Variants in SLC28A1 observed in about 807,000 individuals in gnomAD.
SLC28A1 encodes solute carrier family 28 member 1, also known as sodium/nucleoside cotransporter 1.
SLC28A1 carries 64 observed loss-of-function variants against 74.8 expected under a neutral mutation model. That is an observed-to-expected ratio of 0.86 (90% CI 0.70 to 1.05). The LOEUF (loss-of-function observed/expected upper bound fraction) is 1.05. SLC28A1 is among the 50% of genes least tolerant of loss of function. The pLI, the probability that SLC28A1 is intolerant of heterozygous loss-of-function variation, is 0.00. For synonymous variants in SLC28A1, 359 were observed against 335.0 expected (o/e 1.07, Z -0.78); for missense variants, 828 against 822.8 (o/e 1.01, Z -0.08).
intron 8 of SLC28A1, among the ~76,000 whole-genome samples, chr15:84,906,504 G>GTTTC (rs1567139474): frequency 1.1e-3 from 12 of 10,624 alleles, no homozygotes; most frequent in South Asian, 5.0e-3. Context: ...AACATGGTTT[G>GTTTC]TTTGTTTGTT....
chr15:84,966,999 T>C, the SLC28A1 span, among the ~76,000 whole-genome samples: 2 of 152,224 alleles, frequency 1.3e-5, no homozygotes, highest in Non-Finnish European at 2.9e-5. Context: ...CAGGTTGGTC[T>C]TGAACTGCTA....
At chr15:84,938,922 G>A (rs1972307868) in intron 15 of SLC28A1, among the ~76,000 whole-genome samples, 1 of 152,226 alleles carries the variant, frequency 6.6e-6, no homozygotes, top group South Asian at 2.1e-4. Context: ...AAAGCACTTG[G>A]TGTGCTTAGA....
chr15:84,965,904 G>GT, the SLC28A1 span, among the ~76,000 whole-genome samples: 1 of 121,504 alleles, frequency 8.2e-6, no homozygotes, highest in African/African-American at 3.0e-5. Flanking sequence ...GAGGCGGGGA[G>GT]GGGGGGGAAA....
chr15:84,929,745 C>G (rs1232029876), intron 12 of SLC28A1, among the ~76,000 whole-genome samples: 1 of 152,062 alleles, frequency 6.6e-6, no homozygotes, highest in Admixed American at 6.6e-5. Context: ...ATCTATAGTC[C>G]CAGGTACTGG....
At chr15:84,970,022 G>A in the SLC28A1 span, among the ~76,000 whole-genome samples, 1 of 152,208 alleles carries the variant, frequency 6.6e-6, no homozygotes, top group Non-Finnish European at 1.5e-5. Flanking sequence ...AAACAACAAA[G>A]ATGTATTACA....
chr15:84,957,212 G>A, the SLC28A1 span, among the ~76,000 whole-genome samples: 20 of 151,926 alleles, frequency 1.3e-4, no homozygotes, highest in Admixed American at 1.1e-3. Flanking sequence ...GTCATCACCC[G>A]AGAAGTCATT....
the SLC28A1 span, among the ~76,000 whole-genome samples, chr15:84,955,252 G>A: frequency 6.6e-6 from 1 of 152,154 alleles, no homozygotes; most frequent in African/African-American, 2.4e-5. Flanking sequence ...CCCCTTTGGT[G>A]CCCATCTAAA....
chr15:84,950,349 C>T (rs1264708932), downstream of SLC28A1, among the ~76,000 whole-genome samples: 1 of 126,634 alleles, frequency 7.9e-6, no homozygotes, highest in Non-Finnish European at 1.6e-5. Flanking sequence ...GTCCTCCAGT[C>T]GCCAGTCTCC....
At chr15:84,953,306 C>T in the SLC28A1 span, among the ~76,000 whole-genome samples, 5 of 152,194 alleles carry the variant, frequency 3.3e-5, no homozygotes, top group Admixed American at 6.5e-5. Flanking sequence ...TGAAAAGTTC[C>T]GTAACTCGGT....
the SLC28A1 span, among the ~76,000 whole-genome samples, chr15:84,971,470 A>G: frequency 0.79 from 119,314 of 151,884 alleles, 47,260 homozygotes; most frequent in South Asian, 0.87. Flanking sequence ...AGCCTGGTCC[A>G]TCCCCATCTC....
chr15:84,909,419 A>G (rs981093306), intron 9 of SLC28A1, among the ~76,000 whole-genome samples: 1 of 152,212 alleles, frequency 6.6e-6, no homozygotes, highest in Non-Finnish European at 1.5e-5. Flanking sequence ...ATTATAGGGG[A>G]AATGGAGATA....
chr15:84,957,507 T>TCCA, the SLC28A1 span, among the ~76,000 whole-genome samples: 1 of 152,340 alleles, frequency 6.6e-6, no homozygotes, highest in African/African-American at 2.4e-5. Flanking sequence ...CCTCAAGTGA[T>TCCA]CCACCCATCT....
At chr15:84,938,660 T>C (rs1346423700) in intron 15 of SLC28A1, 6 of 151,674 alleles carry the variant, frequency 4.0e-5, no homozygotes, top group Admixed American at 3.9e-4. Flanking sequence ...GGAACCGACA[T>C]GTAGTGAGAG....
At chr15:84,938,613 A>G (rs1972247434) in intron 15 of SLC28A1, 1 of 152,138 alleles carries the variant, frequency 6.6e-6, no homozygotes, top group Non-Finnish European at 1.5e-5. Context: ...CACTGGGGAT[A>G]AAAAGGAGAA....
the SLC28A1 span, among the ~76,000 whole-genome samples, chr15:84,971,434 T>C: frequency 6.6e-6 from 1 of 151,996 alleles, no homozygotes; most frequent in Non-Finnish European, 1.5e-5. Context: ...TTTATTAGAG[T>C]GTTCTCACAA....
At chr15:84,959,817 T>C in the SLC28A1 span, among the ~76,000 whole-genome samples, 15 of 152,218 alleles carry the variant, frequency 9.9e-5, no homozygotes, top group Non-Finnish European at 1.8e-4. Flanking sequence ...TTTGTTTTGA[T>C]CTCTGTCTTC....
In SLC28A1 at chr15:84,888,836, C is replaced by T. The variant is rs201974180; in HGVS notation, c.161C>T (p.Ala54Val). Residue 54 changes from alanine to valine, a missense_variant, in exon 4 of 19, where the codon GCG (alanine) becomes GTG (valine). Physicochemically the swap from Ala to Val is moderately conservative, Grantham distance 64. Coordinates refer to ENST00000394573, the MANE Select transcript of SLC28A1 (RefSeq NM_004213.5). ...GAGATCAGGAGCAGCTGGAGCGAGG[C>T]GGCGCCGAAGCCCTTCTCCAGATGG... ...PAEIRSSWSE[A>V]APKPFSRWRN... The T allele has an allele frequency of 3.2e-5, 49 of 1,553,120 alleles. No homozygotes were observed. The highest frequency in any genetic ancestry group is 2.5e-4 in the African/African-American group (18 of 73,240).
the SLC28A1 span, among the ~76,000 whole-genome samples, chr15:84,956,666 CTTT>C: frequency 9.5e-4 from 128 of 134,322 alleles, no homozygotes; most frequent in Middle Eastern, 3.9e-3. Flanking sequence ...CTAATTTTTA[CTTT>C]TTTTTTTTTT....
intron 5 of SLC28A1, among the ~76,000 whole-genome samples, chr15:84,892,968 AT>A (rs1965526782): frequency 6.6e-6 from 1 of 152,060 alleles, no homozygotes; most frequent in Non-Finnish European, 1.5e-5. Context: ...TGGATCCTAG[AT>A]GAATAAAATA....
Sources: gnomAD v4.1 joint callset for allele counts (sites outside exome capture counted in the v4.1 genomes callset) on GRCh38, gnomAD v4.1.1 for gene constraint, MANE v1.5 for transcripts, NCBI Gene and HGNC (gene_info 2026-07-23, HGNC 2026-07-21) for gene names.